PTPRA: variants seen among roughly 807,000 people sequenced by gnomAD.
The protein encoded by PTPRA is protein tyrosine phosphatase receptor type A, also known as receptor-type tyrosine-protein phosphatase alpha.
Under a neutral mutation model 104.8 loss-of-function variants are expected in PTPRA, and 25 were observed. The observed-to-expected ratio is 0.24, with a 90% confidence interval of 0.17 to 0.33. The LOEUF is 0.33. PTPRA is among the 10% of genes least tolerant of loss of function. PTPRA has a pLI of 1.00. For missense variants in PTPRA, 765 were observed against 1,015.3 expected (o/e 0.75, Z 3.35); for synonymous variants, 323 against 368.9 (o/e 0.88, Z 1.43).
At chr20:2,976,543 A>G (rs937562308) in intron 6 of PTPRA, among the ~76,000 whole-genome samples, 18 of 152,352 alleles carry the variant, frequency 1.2e-4, no homozygotes, top group African/African-American at 4.1e-4. Context: ...TAATTGTGAC[A>G]TATGTAAAGT....
At chr20:2,980,137 A>G (rs1168428307) in intron 6 of PTPRA, among the ~76,000 whole-genome samples, 1 of 142,834 alleles carries the variant, frequency 7.0e-6, no homozygotes, top group Non-Finnish European at 1.5e-5. Flanking sequence ...CTCTTAAACT[A>G]CCAACCTCAG....
At chr20:2,997,895 C>T (rs934151293) in intron 9 of PTPRA, among the ~76,000 whole-genome samples, 1 of 152,130 alleles carries the variant, frequency 6.6e-6, no homozygotes, top group African/African-American at 2.4e-5. Flanking sequence ...TTTGGGAAGC[C>T]AATGCGGGAA....
At chr20:3,003,272 T>C (rs762636483) in intron 9 of PTPRA, among the ~76,000 whole-genome samples, 1 of 152,230 alleles carries the variant, frequency 6.6e-6, no homozygotes, top group Non-Finnish European at 1.5e-5. Context: ...GTACAAAATA[T>C]ATATTTGTTG....
At chr20:2,907,822 T>A (rs1010705929) in intron 1 of PTPRA, among the ~76,000 whole-genome samples, 16 of 152,068 alleles carry the variant, frequency 1.1e-4, no homozygotes, top group East Asian at 7.7e-4. Context: ...GTTTTTTTTT[T>A]AAACAGATTA....
intron 2 of PTPRA, among the ~76,000 whole-genome samples, chr20:2,928,354 C>T (rs563914986): frequency 2.6e-5 from 4 of 152,212 alleles, no homozygotes; most frequent in African/African-American, 9.6e-5. Flanking sequence ...CTGATCTGCC[C>T]TCCTTGGCCT....
At chr20:2,963,797 G>T (rs555397095) in intron 3 of PTPRA, among the ~76,000 whole-genome samples, 5 of 152,230 alleles carry the variant, frequency 3.3e-5, no homozygotes, top group African/African-American at 1.2e-4. Context: ...ATAGCACTTT[G>T]GGAAGTTGAA....
chr20:2,996,477 T>C (rs2063398526), intron 9 of PTPRA, among the ~76,000 whole-genome samples: 1 of 152,246 alleles, frequency 6.6e-6, no homozygotes, highest in African/African-American at 2.4e-5. Flanking sequence ...CTTTCTAAGC[T>C]ACTTAGAAGA....
the PTPRA span, chr20:2,866,186 C>G: frequency 1.2e-6 from 2 of 1,609,668 alleles, no homozygotes; most frequent in Non-Finnish European, 1.7e-6. Flanking sequence ...TTACCTTCTC[C>G]CTCCACCCGC....
At position 3,029,287 on chromosome 20, in the gene PTPRA, G is replaced by A. The variant is rs189855299; in HGVS notation, c.1920+1446G>A. 1.2e-3 allele frequency among the ~76,000 whole-genome samples: 186 copies of A among 151,748 alleles called. 1 individual carries two copies. The highest frequency in any genetic ancestry group is 4.0e-3 in the African/African-American group (166 of 41,394). ...TCCAAGTAGCTAGGACTAAAGGCAC[G>A]TGCCACCATGCCCAGCTAGTTTTTG... On this transcript the variant is annotated intron_variant, in intron 20 of 23. Coordinates refer to ENST00000399903, the MANE Select transcript of PTPRA (RefSeq NM_001385305.1).
At chr20:3,017,090 A>G (rs1246890087) in intron 12 of PTPRA, among the ~76,000 whole-genome samples, 2 of 152,082 alleles carry the variant, frequency 1.3e-5, no homozygotes, top group Admixed American at 6.6e-5. Context: ...TTATATACCT[A>G]CTACTGATTT....
chr20:2,957,643 A>C (rs1042621637), intron 3 of PTPRA, among the ~76,000 whole-genome samples: 16 of 152,208 alleles, frequency 1.1e-4, no homozygotes, highest in African/African-American at 3.4e-4. Context: ...TGGTAGAAAA[A>C]AATGCAGGGT....
chr20:2,958,741 G>A (rs2061633103), intron 3 of PTPRA, among the ~76,000 whole-genome samples: 2 of 150,938 alleles, frequency 1.3e-5, no homozygotes, highest in South Asian at 4.2e-4. Context: ...CAGCTACTTG[G>A]GAGGCTGAGG....
At chr20:3,019,651 T>A (rs1033352867) in intron 13 of PTPRA, among the ~76,000 whole-genome samples, 5 of 151,962 alleles carry the variant, frequency 3.3e-5, no homozygotes, top group African/African-American at 1.2e-4. Flanking sequence ...GCAGAGACGC[T>A]CCTCACTTCC....
At chr20:2,866,123 C>T in the PTPRA span, 121 of 1,096,902 alleles carry the variant, frequency 1.1e-4, no homozygotes, top group Non-Finnish European at 1.5e-4. Context: ...TATATATGGA[C>T]GATGTATGCA....
chr20:2,887,502 T>C lies in PTPRA; in HGVS notation c.-129+13742T>C, dbSNP rs2090452304. Among the ~76,000 whole-genome samples, 7 of 152,280 alleles carry C rather than the reference T, an allele frequency of 4.6e-5. No homozygotes were observed. The South Asian group carries it at 1.4e-3, about 32-fold the overall frequency. On this transcript the variant is annotated intron_variant, in intron 1 of 23. Coordinates refer to ENST00000399903, the MANE Select transcript of PTPRA (RefSeq NM_001385305.1). ...GATGGAGATACATGGACAAGTATGA[T>C]TTAAGCAGTAGAGGCATTAGGGTTC...
intron 1 of PTPRA, among the ~76,000 whole-genome samples, chr20:2,910,194 G>A (rs1250700566): frequency 2.3e-5 from 2 of 86,810 alleles, no homozygotes; most frequent in African/African-American, 9.0e-5. Context: ...TATGATATAT[G>A]ATATATATAC....
chr20:2,881,527 C>CT (rs747965653), intron 1 of PTPRA, among the ~76,000 whole-genome samples: 61 of 151,740 alleles, frequency 4.0e-4, no homozygotes, highest in Non-Finnish European at 7.2e-4. Context: ...GGGTTTTTTG[C>CT]TTTTAAGAGA....
chr20:3,015,428 C>T (rs942102768), intron 11 of PTPRA, among the ~76,000 whole-genome samples: 2 of 151,778 alleles, frequency 1.3e-5, no homozygotes, highest in Non-Finnish European at 2.9e-5. Flanking sequence ...TTGCCTTAGC[C>T]ACCCTAGTAG....
intron 6 of PTPRA, among the ~76,000 whole-genome samples, chr20:2,984,715 C>A (rs748600368): frequency 1.3e-5 from 2 of 152,182 alleles, no homozygotes; most frequent in African/African-American, 2.4e-5. Context: ...TGGCTTTTGC[C>A]CACCTCTCTG....
Sources: allele counts gnomAD v4.1 joint callset (sites outside exome capture counted in the v4.1 genomes callset), GRCh38; gene constraint gnomAD v4.1.1; transcripts MANE v1.5; gene names NCBI Gene and HGNC (gene_info 2026-07-23, HGNC 2026-07-21).